ITFG2: variants seen among roughly 807,000 people sequenced by gnomAD.
The protein encoded by ITFG2 is KICSTOR complex protein ITFG2.
A neutral mutation model predicts 54.4 loss-of-function variants in ITFG2; 36 were observed. The ratio of observed to expected loss-of-function variants is 0.66; its 90% CI spans 0.51 to 0.87. The LOEUF is 0.87. Ranked by LOEUF, ITFG2 falls within the 40% of genes least tolerant of loss-of-function variation. The probability of loss-of-function intolerance (pLI) is 0.00; values close to 1 mark genes in which losing one functional copy is unlikely to be tolerated. For missense variants in ITFG2, 524 were observed against 576.7 expected (o/e 0.91, Z 0.94); for synonymous variants, 211 against 225.4 (o/e 0.94, Z 0.57).
chr12:2,812,984 G>T, intron 1 of ITFG2, 128 bp downstream of exon 1: 1 of 742,292 alleles, frequency 1.3e-6, no homozygotes, highest in Admixed American at 2.3e-5. Context: ...TGGAGCGCTA[G>T]AGAGAAAAAC....
upstream of ITFG2, among the ~76,000 whole-genome samples, chr12:2,833,103 A>G (rs1186527644): frequency 6.6e-6 from 1 of 151,994 alleles, no homozygotes; most frequent in Non-Finnish European, 1.5e-5. Flanking sequence ...TCCCAGAGCC[A>G]TAGGAGGTAA....
chr12:2,854,965 A>G (rs1311949243), intron 2 of ITFG2: 2 of 1,535,924 alleles, frequency 1.3e-6, no homozygotes, highest in African/African-American at 2.7e-5. Context: ...CTCACTCCTC[A>G]ACTTGAGCTT....
rs2097929434 is a variant in ITFG2, at chr12:2,818,467, T to C, written c.406+190T>C. ...CCATAGTGAATAAATAGACAAAAAT[T>C]GCTGCCCTCCTGGGCCTTATTATGA... On this transcript the variant is annotated intron_variant, in intron 4 of 11. Transcript: ENST00000228799. 2.3e-5 allele frequency: 28 copies of C among 1,198,720 alleles called. No individual in the cohort carries two copies. In the South Asian group the frequency reaches 4.1e-4, roughly 18 times the overall value. The allele number at this position is 1,198,720 out of a possible 1,614,324, so 74.3% of individuals were successfully genotyped here. A position where few individuals can be genotyped will look rare whatever the true frequency, so the allele number is the denominator to read the frequency against.
downstream of ITFG2, chr12:2,827,095 G>A: frequency 6.5e-7 from 1 of 1,544,074 alleles, no homozygotes; most frequent in Non-Finnish European, 8.7e-7. This position sits in a 1 kb window ranked among gnomAD's most constrained non-coding sequence, Gnocchi z 4.0. Flanking sequence ...GGAGGTGATT[G>A]GAAGGGCAGA....
At chr12:2,837,305 G>T (rs969909969) in intron 1 of ITFG2, among the ~76,000 whole-genome samples, 68 of 151,696 alleles carry the variant, frequency 4.5e-4, no homozygotes, top group African/African-American at 1.6e-3. Context: ...GTGAAACCCC[G>T]TCTCTACTAA....
chr12:2,854,557 C>T (rs183527327), intron 2 of ITFG2, among the ~76,000 whole-genome samples: 6 of 152,228 alleles, frequency 3.9e-5, no homozygotes, highest in Non-Finnish European at 5.9e-5. Context: ...CCCCCTGTCT[C>T]GCACTCTGGG....
At chr12:2,855,412 TGGGA>T in intron 2 of ITFG2, 1 of 341,050 alleles carries the variant, frequency 2.9e-6, no homozygotes, top group Non-Finnish European at 5.8e-6. Flanking sequence ...AGCCCACGTT[TGGGA>T]GGGTGGGAGG....
At chr12:2,833,608 C>T (rs901101562), upstream of ITFG2, among the ~76,000 whole-genome samples, 9 of 152,102 alleles carry the variant, frequency 5.9e-5, 1 homozygote, top group Non-Finnish European at 1.5e-5. Flanking sequence ...AGTACCTCTT[C>T]TCAGACTAGG....
chr12:2,820,582 C>G lies in ITFG2; in HGVS notation c.547-142C>G, dbSNP rs537956756. ...CTCGAAATCCTTCCTCCTGCTGCTACCCTTGAAGCCCAGAGGGCTGTTCCC... is the reference window on the plus strand; with the variant it reads ...CTCGAAATCCTTCCTCCTGCTGCTAGCCTTGAAGCCCAGAGGGCTGTTCCC... On this transcript the variant is annotated intron_variant, in intron 5 of 11. Coordinates refer to ENST00000228799, the MANE Select transcript of ITFG2 (RefSeq NM_018463.4). The G allele has an allele frequency of 4.0e-6, 3 of 757,272 alleles. No individual in the cohort carries two copies. The African/African-American group carries it at 5.3e-5, about 13-fold the overall frequency. The allele number at this position is 757,272 out of a possible 1,614,324, so 46.9% of individuals were successfully genotyped here.
upstream of ITFG2, chr12:2,834,693 G>A (rs200922309): frequency 1.3e-5 from 21 of 1,613,590 alleles, no homozygotes; most frequent in Admixed American, 1.5e-4. Flanking sequence ...GGAGCAGGTC[G>A]GCCGAGTCCT....
chr12:2,855,048 A>G, intron 2 of ITFG2: 1 of 1,536,030 alleles, frequency 6.5e-7, no homozygotes, highest in Non-Finnish European at 8.7e-7. Context: ...CAAACGTGGG[A>G]TAACAGTGGA....
intron 6 of ITFG2, 31 bp from the exon 7 acceptor site, chr12:2,821,231 C>T: frequency 6.4e-7 from 1 of 1,552,818 alleles, no homozygotes; most frequent in Non-Finnish European, 8.8e-7. Flanking sequence ...CACTTGGTCT[C>T]CCGCTTGATC....
upstream of ITFG2, chr12:2,835,284 T>C: frequency 1.1e-6 from 1 of 906,944 alleles, no homozygotes; most frequent in Non-Finnish European, 1.3e-6. Flanking sequence ...TGTCACTGTG[T>C]GGGGGCAGCA....
chr12:2,854,784 A>G, intron 2 of ITFG2: 1 of 1,148,730 alleles, frequency 8.7e-7, no homozygotes, highest in Non-Finnish European at 1.2e-6. Flanking sequence ...TGGTTTTCAG[A>G]TGGCCAGAGC....
chr12:2,818,708 G>T (rs1237113588), intron 4 of ITFG2: 6 of 250,528 alleles, frequency 2.4e-5, no homozygotes, highest in African/African-American at 4.5e-5. Flanking sequence ...AGATAATTAA[G>T]TAGTATATTA....
At chr12:2,844,912 G>A (rs1009120713) in intron 2 of ITFG2, among the ~76,000 whole-genome samples, 3 of 152,212 alleles carry the variant, frequency 2.0e-5, no homozygotes, top group Non-Finnish European at 4.4e-5. Context: ...CTTGGAATTT[G>A]GACAATGGCA....
chr12:2,820,083 C>G lies in ITFG2; in HGVS notation c.407-3C>G. On this transcript the variant is annotated splice_region_variant and splice_polypyrimidine_tract_variant and intron_variant, in intron 4 of 11. Transcript: ENST00000228799. ...GAGCCCATCTTGTCTTTCATGCCCA[C>G]AGATGGAGATGGGTGTCGTGAGCTG... 6.2e-7 allele frequency: 1 copy of G among 1,602,834 alleles called. No homozygotes were observed. The highest frequency in any genetic ancestry group is 8.5e-7 in the Non-Finnish European group (1 of 1,175,176).
At chr12:2,847,490 A>G (rs906598267) in intron 2 of ITFG2, among the ~76,000 whole-genome samples, 5 of 152,136 alleles carry the variant, frequency 3.3e-5, no homozygotes, top group African/African-American at 1.2e-4. Flanking sequence ...ACACGGTGAA[A>G]CCCCGTCTCT....
At chr12:2,820,282 G>T in intron 5 of ITFG2, 57 bp downstream of exon 5, 1 of 1,503,922 alleles carries the variant, frequency 6.6e-7, no homozygotes, top group Non-Finnish European at 8.9e-7. Flanking sequence ...AGGTCTCCTG[G>T]AGGAGGTAGT....
Sources: allele counts gnomAD v4.1 joint callset (sites outside exome capture counted in the v4.1 genomes callset), GRCh38; gene constraint gnomAD v4.1.1; non-coding constraint Gnocchi (gnomAD v3.1); transcripts MANE v1.5; gene names NCBI Gene and HGNC (gene_info 2026-07-23, HGNC 2026-07-21).